The following METTL15 variants were observed in gnomAD, a reference collection of about 807,000 sequenced individuals.
METTL15 encodes methyltransferase 15, mitochondrial 12S rRNA N4-cytidine, also known as 12S rRNA N(4)-cytidine methyltransferase METTL15.
Under a neutral mutation model 38.3 loss-of-function variants are expected in METTL15, and 34 were observed. The observed-to-expected ratio is 0.89, with a 90% CI of 0.68 to 1.18. The LOEUF is 1.18. Ranked by LOEUF, METTL15 falls within the 50% of genes most tolerant of loss-of-function variation. The probability of loss-of-function intolerance (pLI) is 0.00; values close to 1 mark genes in which losing one functional copy is unlikely to be tolerated. For synonymous variants in METTL15, 162 were observed against 170.9 expected (o/e 0.95, Z 0.41); for missense variants, 438 against 498.4 (o/e 0.88, Z 1.15).
At chr11:28,378,273 T>C (rs1473835088) in intron 5 of METTL15, among the ~76,000 whole-genome samples, 1 of 152,210 alleles carries the variant, frequency 6.6e-6, no homozygotes, top group Non-Finnish European at 1.5e-5. Flanking sequence ...TGCCTTGCAG[T>C]TTGATCTCAG....
At chr11:28,273,586 A>G (rs1855729699) in intron 4 of METTL15, among the ~76,000 whole-genome samples, 1 of 152,066 alleles carries the variant, frequency 6.6e-6, no homozygotes, top group Non-Finnish European at 1.5e-5. Flanking sequence ...TGTCACATAT[A>G]TATATTGAGT....
chr11:28,353,957 G>A (rs909563862), intron 4 of METTL15, among the ~76,000 whole-genome samples: 1 of 148,462 alleles, frequency 6.7e-6, no homozygotes, highest in Non-Finnish European at 1.5e-5. Context: ...AAAAAAAGGT[G>A]TCAAGCAATG....
intron 3 of METTL15, among the ~76,000 whole-genome samples, chr11:28,345,109 T>G (rs1156411355): frequency 6.6e-6 from 1 of 152,220 alleles, no homozygotes; most frequent in Non-Finnish European, 1.5e-5. Context: ...TAATCCATTT[T>G]TCACCTTTTA....
intron 5 of METTL15, among the ~76,000 whole-genome samples, chr11:28,394,386 T>G (rs76965773): frequency 0.018 from 2,680 of 152,182 alleles, 52 homozygotes; most frequent in African/African-American, 0.051. Flanking sequence ...ATCATTCAAT[T>G]TGCACAGCTC....
intron 4 of METTL15, among the ~76,000 whole-genome samples, chr11:28,235,165 A>G (rs892573977): frequency 6.6e-6 from 1 of 151,892 alleles, no homozygotes; most frequent in Non-Finnish European, 1.5e-5. Context: ...ATTGATCTAT[A>G]TCTCTGTTTT....
rs540101520 is a variant in METTL15 at position 28,154,840 on chromosome 11, A to G, written c.270+41236A>G. Among the ~76,000 whole-genome samples, 3 of 152,220 alleles carry G rather than the reference A, an allele frequency of 2.0e-5. No homozygotes were observed. The South Asian group carries it at 6.2e-4, about 32-fold the overall frequency. On this transcript the variant is annotated intron_variant, in intron 3 of 6. Transcript: ENST00000407364. ...TCTCTGTTTTTCTCAGTTCTCTCTC[A>G]CAAAGGAGTATCTCTCTAATTTATG...
chr11:28,399,546 G>A (rs550901265), intron 5 of METTL15, among the ~76,000 whole-genome samples: 2 of 151,980 alleles, frequency 1.3e-5, no homozygotes, highest in South Asian at 4.1e-4. Flanking sequence ...TATCTTCATA[G>A]CACATATATT....
chr11:28,210,633 A>G (rs1393389730), intron 3 of METTL15, among the ~76,000 whole-genome samples: 3 of 151,882 alleles, frequency 2.0e-5, no homozygotes. Flanking sequence ...TCTGTTCTTG[A>G]GTATCATTTT....
At chr11:28,179,517 A>G (rs1851206322) in intron 3 of METTL15, among the ~76,000 whole-genome samples, 1 of 151,830 alleles carries the variant, frequency 6.6e-6, no homozygotes, top group Non-Finnish European at 1.5e-5. Context: ...TTTCATTCAC[A>G]TGAAATCATA....
chr11:28,163,529 A>ATCTCTCTC (rs756098921), intron 3 of METTL15: 2 of 337,718 alleles, frequency 5.9e-6, no homozygotes, highest in Non-Finnish European at 1.1e-5. Context: ...CTTCTTACTG[A>ATCTCTCTC]TCTCTCTCTC....
rs186491545 is a variant in METTL15, at chr11:28,325,405, A to G, written c.779-4991A>G. The stretch of plus-strand genomic sequence containing the variant: ...TTATACATAGAAGCTTTGGGTACAT[A>G]GGTGCAATAGACACACACAGGCTTT... On this transcript the variant is annotated intron_variant, in intron 6 of 6. Coordinates refer to ENST00000407364, the MANE Select transcript of METTL15 (RefSeq NM_001113528.2). Among the ~76,000 whole-genome samples the G allele has an allele frequency of 5.0e-4, 76 of 152,326 alleles. 1 individual carries two copies. The East Asian group carries it at 0.013, about 26-fold the overall frequency.
chr11:28,204,560 G>A (rs770225261), intron 3 of METTL15, among the ~76,000 whole-genome samples: 1 of 142,866 alleles, frequency 7.0e-6, no homozygotes, highest in Non-Finnish European at 1.5e-5. Flanking sequence ...AAAGCAATAA[G>A]CAGATACAGA....
chr11:28,313,484 G>A (rs747717050), intron 6 of METTL15, among the ~76,000 whole-genome samples: 16 of 151,144 alleles, frequency 1.1e-4, no homozygotes, highest in Non-Finnish European at 2.1e-4. Context: ...TAAAGTACAG[G>A]ATTTTTATTT....
chr11:28,343,257 G>A (rs185030361), intron 3 of METTL15, among the ~76,000 whole-genome samples: 1 of 150,832 alleles, frequency 6.6e-6, no homozygotes, highest in Admixed American at 6.6e-5. Flanking sequence ...AACCTATCTA[G>A]TTATTCTAGA....
At chr11:28,516,884 T>C (rs1353606739) in intron 6 of METTL15, 1 of 152,158 alleles carries the variant, frequency 6.6e-6, no homozygotes. Context: ...AGTGCAGTGA[T>C]TTGGAGGAAA....
intron 3 of METTL15, among the ~76,000 whole-genome samples, chr11:28,152,596 C>T (rs897969657): frequency 6.6e-6 from 1 of 151,588 alleles, no homozygotes. Context: ...AAGTAAAATA[C>T]AGCCATCTCT....
At chr11:28,499,093 C>T (rs139267054) in intron 6 of METTL15, among the ~76,000 whole-genome samples, 6 of 152,266 alleles carry the variant, frequency 3.9e-5, no homozygotes, top group Non-Finnish European at 7.4e-5. Context: ...CTATGATAGG[C>T]CTTACGTTGT....
chr11:28,376,937 A>G (rs1850321244), intron 5 of METTL15, among the ~76,000 whole-genome samples: 1 of 132,160 alleles, frequency 7.6e-6, no homozygotes, highest in African/African-American at 2.6e-5. Flanking sequence ...TTGGCTGGAT[A>G]TGAAATTCTG....
intron 3 of METTL15, among the ~76,000 whole-genome samples, chr11:28,342,981 G>A (rs1409917053): frequency 7.2e-5 from 11 of 152,124 alleles, no homozygotes; most frequent in African/African-American, 2.7e-4. Flanking sequence ...ACACAGTGCT[G>A]ATTGGTAAGA....
Sources: allele counts gnomAD v4.1 joint callset (sites outside exome capture counted in the v4.1 genomes callset), GRCh38; gene constraint gnomAD v4.1.1; transcripts MANE v1.5; gene names NCBI Gene and HGNC (gene_info 2026-07-23, HGNC 2026-07-21).